The following ROGDI variants were observed in gnomAD, a reference collection of about 807,000 sequenced individuals.
ROGDI encodes protein rogdi homolog.
A neutral mutation model predicts 43.1 loss-of-function variants in ROGDI; 46 were observed. That is an observed-to-expected ratio of 1.07 (90% CI 0.84 to 1.37). The LOEUF is 1.37. Among genes scored for constraint, ROGDI ranks in the 40% most tolerant of loss-of-function variants. The pLI, the probability that ROGDI is intolerant of heterozygous loss-of-function variation, is 0.00. For synonymous variants in ROGDI, 243 were observed against 162.0 expected, an observed-to-expected ratio of 1.50 and a Z score of -3.80; for missense variants, 518 against 383.9, an observed-to-expected ratio of 1.35 and a Z score of -2.92.
At chr16:4,799,546 GA>G in intron 6 of ROGDI, 139 bp downstream of exon 6, 1 of 621,130 alleles carries the variant, frequency 1.6e-6, no homozygotes, top group East Asian at 2.9e-5. Context: ...CCCACAGGTA[GA>G]AATGGAGACA....
At chr16:4,799,174 A>G (rs1161595482) in intron 6 of ROGDI, among the ~76,000 whole-genome samples, 1 of 152,170 alleles carries the variant, frequency 6.6e-6, no homozygotes, top group African/African-American at 2.4e-5. Context: ...CGTGCCATTC[A>G]GCCGTGGCCA....
Position 4,797,840 on chromosome 16 carries a change from G to T in ROGDI, c.696C>A (p.Phe232Leu). 6.2e-7 allele frequency: 1 copy of T among 1,611,022 alleles called. No individual in the cohort carries two copies. The highest frequency in any genetic ancestry group is 8.5e-7 in the Non-Finnish European group (1 of 1,179,768). ...CCTCCAGGCGCTGAGAGCCCCACTC[G>T]CTGTGGGCAGTGAGAGGGTCCCTGA... is the stretch of plus-strand genomic sequence containing the variant. The part of the protein sequence containing the change: ...GAVLHSPGAM[F>L]EWGSQRLEVS... Residue 232 changes from phenylalanine (F) to leucine (L), a missense_variant and splice_region_variant, in exon 10 of 11, where the codon TTC becomes TTA. By Grantham distance (22) the Phe-to-Leu change is conservative (BLOSUM62 0). Transcript: ENST00000322048.
rs1555491410 is a variant in ROGDI, at chr16:4,800,492, G to A, written c.336+6C>T. The A allele has an allele frequency of 1.1e-5, 17 of 1,552,682 alleles. No individual in the cohort carries two copies. The highest frequency in any genetic ancestry group is 1.4e-5 in the Non-Finnish European group (16 of 1,147,160). ...GCTGAGCACTAGCCAGGAGGGGCGG[G>A]GTCACCTGCTGCAGCTTCCACTGCT... On this transcript the variant is annotated splice_donor_region_variant and intron_variant, in intron 5 of 10. Transcript: ENST00000322048.
chr16:4,800,610 T>C (rs753613367), intron 4 of ROGDI, 32 bp from the exon 5 acceptor site: 1 of 1,513,880 alleles, frequency 6.6e-7, no homozygotes, highest in African/African-American at 1.4e-5. Flanking sequence ...AGCTGGGCAG[T>C]GGGGGGGCAC....
chr16:4,799,344 G>A (rs1383490016), intron 6 of ROGDI, among the ~76,000 whole-genome samples: 4 of 152,206 alleles, frequency 2.6e-5, no homozygotes, highest in Admixed American at 6.5e-5. Flanking sequence ...GTGAACCACC[G>A]GAGGACACAC....
intron 4 of ROGDI, 55 bp downstream of exon 4, chr16:4,801,212 C>T: frequency 6.9e-7 from 1 of 1,448,916 alleles, no homozygotes; most frequent in Non-Finnish European, 9.4e-7. Context: ...AAAGTGGGAG[C>T]TCCCATGCTC....
Position 4,801,262 on chromosome 16 carries a change from C to G in ROGDI, c.255+5G>C, listed in dbSNP as rs747719750. On this transcript the variant is annotated splice_donor_5th_base_variant and intron_variant, in intron 4 of 10. Transcript: ENST00000322048. ...GATGGGAGGGGACAGGGCCGGGGGA[C>G]TCACCGCCTGGCTGAGGGCATCCCC... The G allele has an allele frequency of 1.6e-5, 25 of 1,602,338 alleles. No homozygotes were observed. The highest frequency in any genetic ancestry group is 2.1e-5 in the Non-Finnish European group (25 of 1,172,690).
chr16:4,802,156 C>A (rs1455955181), intron 2 of ROGDI: 4 of 654,122 alleles, frequency 6.1e-6, no homozygotes, highest in East Asian at 5.9e-5. Flanking sequence ...CGAGGCCGGG[C>A]GGGACTCAGG....
intron 6 of ROGDI, among the ~76,000 whole-genome samples, chr16:4,799,315 A>G (rs2082690512): frequency 6.6e-6 from 1 of 152,096 alleles, no homozygotes; most frequent in Non-Finnish European, 1.5e-5. Context: ...GTGAGGAAAC[A>G]GAGGTCCAGA....
At chr16:4,798,270 G>T in intron 7 of ROGDI, 86 bp from the exon 8 acceptor site, 11 of 1,136,348 alleles carry the variant, frequency 9.7e-6, no homozygotes, top group Non-Finnish European at 1.4e-5. Context: ...CATGGAGTCT[G>T]CAGGGGATCC....
intron 4 of ROGDI, 188 bp downstream of exon 4, chr16:4,801,079 C>G: frequency 1.8e-6 from 1 of 557,032 alleles, no homozygotes; most frequent in Non-Finnish European, 3.2e-6. Flanking sequence ...TCCTGCACCT[C>G]TTACTGAATC....
chr16:4,797,696 C>CG lies in ROGDI; in HGVS notation c.822+17dup. The stretch of plus-strand genomic sequence containing the variant: ...TTAGAAGTCCTTCCCCTAATGAAGG[C>CG]GCTCGGCCCGGGCCCACCTTGTCCT... On this transcript the variant is annotated intron_variant, in intron 10 of 10. Transcript: ENST00000322048. The CG allele has an allele frequency of 8.3e-7, 1 of 1,200,558 alleles. No homozygotes were observed. Among genetic ancestry groups the CG allele is most frequent in the Non-Finnish European group, 1.1e-6 (1 of 947,252 alleles). The allele number at this position is 1,200,558 out of a possible 1,614,324, so 74.4% of individuals were successfully genotyped here. A position where few individuals can be genotyped will look rare whatever the true frequency, so the allele number is the denominator to read the frequency against.
At chr16:4,802,161 C>A (rs1454445675) in intron 2 of ROGDI, 5 of 656,182 alleles carry the variant, frequency 7.6e-6, no homozygotes, top group Admixed American at 4.2e-5. Flanking sequence ...CCGGGCGGGA[C>A]TCAGGCCCTT....
In ROGDI at chr16:4,797,132, A is replaced by C; in HGVS notation, c.*328T>G. On this transcript the variant is annotated 3_prime_UTR_variant, in exon 11 of 11. Coordinates refer to ENST00000322048, the MANE Select transcript of ROGDI (RefSeq NM_024589.3). ...CCCCGACACCATGCCCTCCAGGGGG[A>C]GGGGACAGCGAAGGGGAGAGGAGGG... 3.5e-6 allele frequency: 1 copy of C among 287,714 alleles called. No homozygotes were observed. Among genetic ancestry groups the C allele is most frequent in the Non-Finnish European group, 6.6e-6 (1 of 150,762 alleles). 17.8% of individuals were successfully genotyped at this position (287,714 alleles called of 1,614,324 possible). A position where few individuals can be genotyped will look rare whatever the true frequency, so the allele number is the denominator to read the frequency against.
chr16:4,800,969 C>T, intron 4 of ROGDI: 3 of 507,908 alleles, frequency 5.9e-6, no homozygotes, highest in Non-Finnish European at 1.0e-5. Context: ...GGAGTTCAGG[C>T]ATTGGCTGAT....
At chr16:4,799,078 C>A (rs2082688170) in intron 6 of ROGDI, among the ~76,000 whole-genome samples, 1 of 152,068 alleles carries the variant, frequency 6.6e-6, no homozygotes, top group Admixed American at 6.6e-5. Context: ...AGGGTCACGG[C>A]TGATGGATGG....
chr16:4,797,877 G>A, intron 9 of ROGDI, 37 bp from the exon 10 acceptor site: 2 of 1,607,626 alleles, frequency 1.2e-6, no homozygotes, highest in Non-Finnish European at 1.7e-6. Flanking sequence ...GAGGGTCCCG[G>A]CCCTCCAGGT....
In ROGDI at chr16:4,802,371, C is replaced by T; in HGVS notation, c.117+11G>A. On this transcript the variant is annotated intron_variant, in intron 2 of 10. Coordinates refer to ENST00000322048, the MANE Select transcript of ROGDI (RefSeq NM_024589.3). ...CCGCCACGCCCGGCGGGGCAGGGCG[C>T]GGGTCGTTACCTTGAGGATGTCCTG... 2 of 1,564,490 alleles carry T rather than the reference C, an allele frequency of 1.3e-6. No homozygotes were observed. Among genetic ancestry groups the T allele is most frequent in the Non-Finnish European group, 8.6e-7 (1 of 1,159,208 alleles).
chr16:4,799,779 G>C lies in ROGDI; in HGVS notation c.339C>G (p.Ile113Met). The C allele has an allele frequency of 5.6e-6, 9 of 1,612,480 alleles. No homozygotes were observed. Among genetic ancestry groups the C allele is most frequent in the Non-Finnish European group, 7.6e-6 (9 of 1,178,866 alleles). ...GGCTCACATGGTTTCTGGCATCCTGGATCTGGAAGCAGGGGTCATCCAGAG... is the reference window on the plus strand; with the variant it reads ...GGCTCACATGGTTTCTGGCATCCTGCATCTGGAAGCAGGGGTCATCCAGAG... ...REDKQWKLQQ[I>M]QDARNHVSQA... The change falls in exon 6 of 11, where the codon ATC becomes ATG. Residue 113 changes from isoleucine (I) to methionine (M), a missense_variant and splice_region_variant. Coordinates refer to ENST00000322048, the MANE Select transcript of ROGDI (RefSeq NM_024589.3).
Sources: gnomAD v4.1 joint callset for allele counts (sites outside exome capture counted in the v4.1 genomes callset) on GRCh38, gnomAD v4.1.1 for gene constraint, MANE v1.5 for transcripts, NCBI Gene and HGNC (gene_info 2026-07-23, HGNC 2026-07-21) for gene names.